Variants in GALNTL6 observed in about 807,000 individuals in gnomAD.
GALNTL6 encodes polypeptide N-acetylgalactosaminyltransferase-like 6.
A neutral mutation model predicts 73.7 loss-of-function variants in GALNTL6; 46 were observed. The observed-to-expected ratio is 0.62, with a 90% confidence interval of 0.49 to 0.80. GALNTL6 has a LOEUF of 0.80. GALNTL6 is among the 30% of genes least tolerant of loss of function. GALNTL6 has a pLI of 0.00. For missense variants in GALNTL6, 604 were observed against 755.0 expected (o/e 0.80, Z 2.34); for synonymous variants, 259 against 263.7 (o/e 0.98, Z 0.17).
chr4:172,835,826 C>T (rs757116468), intron 7 of GALNTL6, among the ~76,000 whole-genome samples: 4 of 152,188 alleles, frequency 2.6e-5, no homozygotes, highest in Non-Finnish European at 5.9e-5. Context: ...CAGCAATCCT[C>T]ATAGACGTGT....
intron 5 of GALNTL6, among the ~76,000 whole-genome samples, chr4:172,452,202 A>G (rs2111424292): frequency 6.6e-6 from 1 of 152,280 alleles, no homozygotes. Flanking sequence ...TACACTAAAC[A>G]GACCATGGGA....
chr4:172,083,780 A>G (rs891606184), intron 2 of GALNTL6, among the ~76,000 whole-genome samples: 1 of 152,150 alleles, frequency 6.6e-6, no homozygotes, highest in Admixed American at 6.5e-5. Context: ...CCATTACAGC[A>G]TAAGCTACAT....
chr4:172,102,704 A>G (rs1732553043), intron 2 of GALNTL6, among the ~76,000 whole-genome samples: 1 of 152,214 alleles, frequency 6.6e-6, no homozygotes, highest in African/African-American at 2.4e-5. Context: ...GTTTACTGCA[A>G]GAGCATATTC....
chr4:172,879,316 G>A (rs1745341619), intron 7 of GALNTL6, among the ~76,000 whole-genome samples: 1 of 151,748 alleles, frequency 6.6e-6, no homozygotes, highest in South Asian at 2.1e-4. Flanking sequence ...CAACAGGAAT[G>A]GAATACACAT....
intron 2 of GALNTL6, among the ~76,000 whole-genome samples, chr4:171,831,300 G>A (rs1734963211): frequency 6.6e-6 from 1 of 151,958 alleles, no homozygotes; most frequent in Admixed American, 6.6e-5. Context: ...AAAATTTATA[G>A]GAGCTGGAAT....
chr4:172,689,099 T>G (rs1733107800), intron 5 of GALNTL6, among the ~76,000 whole-genome samples: 1 of 152,202 alleles, frequency 6.6e-6, no homozygotes. Flanking sequence ...TTATATATGC[T>G]TGTGTTAGAA....
intron 10 of GALNTL6, among the ~76,000 whole-genome samples, chr4:172,996,114 T>C (rs1751766313): frequency 6.6e-6 from 1 of 151,890 alleles, no homozygotes; most frequent in Non-Finnish European, 1.5e-5. Flanking sequence ...AGCAAAGACA[T>C]GGAATCTATC....
chr4:172,938,726 A>G (rs1303300529), intron 9 of GALNTL6, among the ~76,000 whole-genome samples: 4 of 152,180 alleles, frequency 2.6e-5, no homozygotes. Context: ...CAGGGTTCAG[A>G]TGCTCTATTT....
At chr4:171,978,920 T>C (rs753198486) in intron 2 of GALNTL6, among the ~76,000 whole-genome samples, 3 of 152,208 alleles carry the variant, frequency 2.0e-5, no homozygotes, top group Non-Finnish European at 4.4e-5. Context: ...GATCTCTTCA[T>C]TGAAATATAG....
intron 5 of GALNTL6, among the ~76,000 whole-genome samples, chr4:172,435,197 T>C (rs1313998920): frequency 6.6e-6 from 1 of 152,164 alleles, no homozygotes; most frequent in African/African-American, 2.4e-5. Context: ...TCTACTGTTA[T>C]ATCTGTGCAC....
intron 10 of GALNTL6, among the ~76,000 whole-genome samples, chr4:172,970,589 G>A (rs1750534413): frequency 6.6e-6 from 1 of 152,240 alleles, no homozygotes; most frequent in African/African-American, 2.4e-5. Flanking sequence ...CCTGCAGGCA[G>A]TCAGACCTTT....
At chr4:171,910,605 G>A (rs1390400978) in intron 2 of GALNTL6, among the ~76,000 whole-genome samples, 1 of 151,748 alleles carries the variant, frequency 6.6e-6, no homozygotes, top group African/African-American at 2.4e-5. Flanking sequence ...ACAGTGGAAA[G>A]AGATGTCTGT....
chr4:171,952,713 T>A (rs1738921031), intron 2 of GALNTL6, among the ~76,000 whole-genome samples: 1 of 152,122 alleles, frequency 6.6e-6, no homozygotes, highest in Non-Finnish European at 1.5e-5. Context: ...ATAGGAGAGC[T>A]ACACTAAATC....
intron 5 of GALNTL6, among the ~76,000 whole-genome samples, chr4:172,423,121 C>A (rs1468566487): frequency 2.6e-5 from 4 of 151,906 alleles, no homozygotes; most frequent in Non-Finnish European, 5.9e-5. Flanking sequence ...TCACTTCTTG[C>A]CACCTCTACA....
chr4:172,961,156 G>T (rs558696391), intron 10 of GALNTL6, among the ~76,000 whole-genome samples: 127 of 104,502 alleles, frequency 1.2e-3, no homozygotes, highest in African/African-American at 4.6e-3. Flanking sequence ...CGGAGAAGGG[G>T]TAGAGACACA....
chr4:172,478,537 G>T (rs1425364748), intron 5 of GALNTL6, among the ~76,000 whole-genome samples: 1 of 152,122 alleles, frequency 6.6e-6, no homozygotes, highest in Non-Finnish European at 1.5e-5. Context: ...TTACATGTAA[G>T]GCTGGAAACC....
At chr4:171,913,458 A>G (rs1250971283) in intron 2 of GALNTL6, among the ~76,000 whole-genome samples, 2 of 152,208 alleles carry the variant, frequency 1.3e-5, no homozygotes, top group East Asian at 3.8e-4. Flanking sequence ...CCTTTATTTT[A>G]CAAACGTGTT....
At chr4:171,870,623 G>A (rs1291909247) in intron 2 of GALNTL6, among the ~76,000 whole-genome samples, 1 of 152,062 alleles carries the variant, frequency 6.6e-6, no homozygotes, top group Non-Finnish European at 1.5e-5. Flanking sequence ...TAACCCTGGT[G>A]CCTCAGAATG....
At chr4:173,033,515 G>T (rs917364602) in intron 12 of GALNTL6, among the ~76,000 whole-genome samples, 1 of 152,184 alleles carries the variant, frequency 6.6e-6, no homozygotes, top group African/African-American at 2.4e-5. Context: ...TCCTTGATTT[G>T]TCCTTCTTCC....
Sources: gnomAD v4.1 joint callset for allele counts (sites outside exome capture counted in the v4.1 genomes callset) on GRCh38, gnomAD v4.1.1 for gene constraint, MANE v1.5 for transcripts, NCBI Gene and HGNC (gene_info 2026-07-23, HGNC 2026-07-21) for gene names.